Variants in CAST observed in about 807,000 individuals in gnomAD.
CAST encodes MIR583 host.
Under a neutral mutation model 119.6 loss-of-function variants are expected in CAST, and 76 were observed. The ratio of observed to expected loss-of-function variants is 0.64; its 90% CI spans 0.53 to 0.77. The LOEUF (loss-of-function observed/expected upper bound fraction) is 0.77. CAST is among the 30% of genes least tolerant of loss of function. The pLI, the probability that CAST is intolerant of heterozygous loss-of-function variation, is 0.00. For missense variants in CAST, 953 were observed against 946.5 expected, an observed-to-expected ratio of 1.01 and a Z score of -0.09; for synonymous variants, 319 against 331.6, an observed-to-expected ratio of 0.96 and a Z score of 0.41.
chr5:96,360,298 G>A, the CAST span, among the ~76,000 whole-genome samples: 1 of 151,946 alleles, frequency 6.6e-6, no homozygotes, highest in Non-Finnish European at 1.5e-5. Flanking sequence ...TTAGCTCAGA[G>A]GAGTTTGTTA....
chr5:95,991,398 G>GT, the CAST span, among the ~76,000 whole-genome samples: 2 of 147,916 alleles, frequency 1.4e-5, no homozygotes, highest in African/African-American at 5.0e-5. Flanking sequence ...AAATTTGTCT[G>GT]TTTTTTCCAG....
chr5:96,426,549 C>T, the CAST span, among the ~76,000 whole-genome samples: 3 of 152,176 alleles, frequency 2.0e-5, no homozygotes, highest in Non-Finnish European at 4.4e-5. Flanking sequence ...AATTCAGTCT[C>T]ATGTATTATG....
intron 1 of CAST, among the ~76,000 whole-genome samples, chr5:96,670,428 C>T (rs902125046): frequency 2.6e-5 from 4 of 152,174 alleles, no homozygotes; most frequent in Non-Finnish European, 5.9e-5. Context: ...CTTTTCACAG[C>T]TGGACTTAAT....
intron 16 of CAST, among the ~76,000 whole-genome samples, chr5:96,745,022 A>G (rs1210284099): frequency 6.6e-6 from 1 of 152,166 alleles, no homozygotes; most frequent in Non-Finnish European, 1.5e-5. Flanking sequence ...TTTCAAGACT[A>G]TAAAGATCAA....
the CAST span, among the ~76,000 whole-genome samples, chr5:96,233,833 T>C: frequency 9.6e-3 from 1,460 of 152,278 alleles, 29 homozygotes; most frequent in African/African-American, 0.034. Context: ...AGAAACCTTA[T>C]ATCTTCGTGT....
chr5:96,751,343 G>A (rs1765007847), intron 20 of CAST, among the ~76,000 whole-genome samples: 1 of 152,074 alleles, frequency 6.6e-6, no homozygotes, highest in African/African-American at 2.4e-5. Context: ...ATCATCTGCT[G>A]TGCCATTGCT....
chr5:96,459,927 C>A, the CAST span, among the ~76,000 whole-genome samples: 55 of 152,142 alleles, frequency 3.6e-4, no homozygotes, highest in African/African-American at 1.2e-3. Context: ...AATAAGGCTC[C>A]ATCTTCCCTT....
At chr5:96,374,550 C>G in the CAST span, among the ~76,000 whole-genome samples, 1 of 152,164 alleles carries the variant, frequency 6.6e-6, no homozygotes, top group Non-Finnish European at 1.5e-5. Flanking sequence ...CATCAATCTG[C>G]GTATTCATGT....
At chr5:96,163,872 G>T in the CAST span, among the ~76,000 whole-genome samples, 4 of 152,020 alleles carry the variant, frequency 2.6e-5, no homozygotes, top group Non-Finnish European at 4.4e-5. Context: ...CACTATGTAG[G>T]GTCACTGCCA....
At chr5:96,303,074 A>G in the CAST span, among the ~76,000 whole-genome samples, 1 of 152,244 alleles carries the variant, frequency 6.6e-6, no homozygotes, top group Non-Finnish European at 1.5e-5. Flanking sequence ...AAGGTTCCAC[A>G]GGCTGTACAG....
chr5:96,463,734 G>A, the CAST span, among the ~76,000 whole-genome samples: 2 of 151,530 alleles, frequency 1.3e-5, no homozygotes, highest in Non-Finnish European at 3.0e-5. Context: ...CCCACAGATC[G>A]ATTTCACCCC....
At chr5:96,433,094 A>T in the CAST span, 2 of 1,558,584 alleles carry the variant, frequency 1.3e-6, no homozygotes, top group South Asian at 1.1e-5. Flanking sequence ...AAAAAGAAGC[A>T]AGATAGGAGA....
At chr5:96,187,215 T>A in the CAST span, among the ~76,000 whole-genome samples, 1 of 152,142 alleles carries the variant, frequency 6.6e-6, no homozygotes, top group African/African-American at 2.4e-5. Context: ...TCATTTTTGG[T>A]TGTGTTTATT....
intron 1 of CAST, among the ~76,000 whole-genome samples, chr5:96,653,875 A>C (rs916273676): frequency 6.6e-6 from 1 of 152,098 alleles, no homozygotes; most frequent in African/African-American, 2.4e-5. Context: ...GTTTTAGTCT[A>C]ATATTTGTTG....
At chr5:96,068,734 G>C in the CAST span, among the ~76,000 whole-genome samples, 1 of 150,778 alleles carries the variant, frequency 6.6e-6, no homozygotes, top group African/African-American at 2.4e-5. Context: ...CATATGCATA[G>C]TAAATGTGTA....
At chr5:96,131,367 A>C in the CAST span, among the ~76,000 whole-genome samples, 4 of 152,096 alleles carry the variant, frequency 2.6e-5, no homozygotes, top group Admixed American at 2.0e-4. Context: ...TGTTAACATC[A>C]GTTATCACAG....
chr5:96,160,529 T>A, the CAST span, among the ~76,000 whole-genome samples: 478 of 152,308 alleles, frequency 3.1e-3, 1 homozygote, highest in Non-Finnish European at 3.8e-3. Context: ...ACTTTTAGGT[T>A]GTTTTCACTT....
chr5:96,367,647 T>C, the CAST span, among the ~76,000 whole-genome samples: 1 of 152,122 alleles, frequency 6.6e-6, no homozygotes, highest in East Asian at 1.9e-4. Context: ...AATCTCCTGA[T>C]GTGTCGTTTG....
the CAST span, among the ~76,000 whole-genome samples, chr5:96,517,642 T>C: frequency 6.6e-6 from 1 of 152,190 alleles, no homozygotes; most frequent in Admixed American, 6.5e-5. Flanking sequence ...CAGTGTGAAA[T>C]GTGTCTGTGC....
Sources: gnomAD v4.1 joint callset for allele counts (sites outside exome capture counted in the v4.1 genomes callset) on GRCh38, gnomAD v4.1.1 for gene constraint, MANE v1.5 for transcripts, NCBI Gene and HGNC (gene_info 2026-07-23, HGNC 2026-07-21) for gene names.